TBC1D22A: variants seen among roughly 807,000 people sequenced by gnomAD.
The protein encoded by TBC1D22A is putative GTPase activator.
TBC1D22A carries 38 observed loss-of-function variants against 60.2 expected under a neutral mutation model. That is an observed-to-expected ratio of 0.63 (90% CI 0.49 to 0.83). The LOEUF is 0.83. Ranked by LOEUF, TBC1D22A falls within the 40% of genes least tolerant of loss-of-function variation. The pLI, the probability that TBC1D22A is intolerant of heterozygous loss-of-function variation, is 0.00. For missense variants in TBC1D22A, 628 were observed against 701.0 expected (o/e 0.90, Z 1.18); for synonymous variants, 302 against 281.7 (o/e 1.07, Z -0.72).
intron 11 of TBC1D22A, among the ~76,000 whole-genome samples, chr22:47,085,833 A>C (rs915235358): frequency 6.6e-6 from 1 of 152,228 alleles, no homozygotes; most frequent in Non-Finnish European, 1.5e-5. Context: ...GTTCACCGGG[A>C]ATCCAGAGAT....
chr22:46,996,777 C>T (rs1183579391), intron 9 of TBC1D22A, among the ~76,000 whole-genome samples: 1 of 152,190 alleles, frequency 6.6e-6, no homozygotes, highest in Non-Finnish European at 1.5e-5. Context: ...GATGAGGCAG[C>T]ACCCCCTAGT....
At chr22:46,884,791 G>A (rs1481618508) in intron 5 of TBC1D22A, among the ~76,000 whole-genome samples, 1 of 152,224 alleles carries the variant, frequency 6.6e-6, no homozygotes, top group East Asian at 1.9e-4. Flanking sequence ...GGTCCTAGCA[G>A]AGGAAGAGTA....
At chr22:46,941,682 A>T (rs2072122969) in intron 8 of TBC1D22A, among the ~76,000 whole-genome samples, 1 of 146,758 alleles carries the variant, frequency 6.8e-6, no homozygotes, top group African/African-American at 2.5e-5. Flanking sequence ...TATATACGGA[A>T]TATATATACG....
chr22:47,157,339 G>A (rs1180530274), intron 12 of TBC1D22A, among the ~76,000 whole-genome samples: 1 of 152,216 alleles, frequency 6.6e-6, no homozygotes, highest in Non-Finnish European at 1.5e-5. Flanking sequence ...TCTCTTTTTG[G>A]TGTTCGTGAT....
chr22:46,884,005 C>T (rs1045886866), intron 5 of TBC1D22A, among the ~76,000 whole-genome samples: 28 of 152,150 alleles, frequency 1.8e-4, no homozygotes, highest in African/African-American at 5.8e-4. Flanking sequence ...GATCTCTGCA[C>T]GTCGTGATCA....
At chr22:47,138,180 CTT>C in intron 12 of TBC1D22A, among the ~76,000 whole-genome samples, 1 of 152,328 alleles carries the variant, frequency 6.6e-6, no homozygotes, top group South Asian at 2.1e-4. Flanking sequence ...CGGCCCATCA[CTT>C]TGTCGAGGAA....
At chr22:47,035,925 T>C (rs777148763) in intron 10 of TBC1D22A, among the ~76,000 whole-genome samples, 35 of 152,342 alleles carry the variant, frequency 2.3e-4, no homozygotes, top group East Asian at 1.2e-3. Flanking sequence ...TGCTGAAATA[T>C]TGCAAGTTAC....
At chr22:46,930,024 A>G (rs754580811) in intron 8 of TBC1D22A, among the ~76,000 whole-genome samples, 3 of 152,132 alleles carry the variant, frequency 2.0e-5, no homozygotes, top group Non-Finnish European at 2.9e-5. Context: ...GATGTACTTT[A>G]TGCAGAGGAC....
chr22:46,913,324 G>A, intron 8 of TBC1D22A: 1 of 1,365,802 alleles, frequency 7.3e-7, no homozygotes, highest in Non-Finnish European at 9.8e-7. Flanking sequence ...TTATTACATG[G>A]TGTTTTTAGC....
chr22:47,023,037 G>A (rs1449388363), intron 10 of TBC1D22A, among the ~76,000 whole-genome samples: 1 of 152,184 alleles, frequency 6.6e-6, no homozygotes, highest in African/African-American at 2.4e-5. Flanking sequence ...GAGAACAAAA[G>A]TCAATCATAA....
rs144042293 is a variant in TBC1D22A at position 46,878,703 on chromosome 22, A to G, written c.688A>G (p.Met230Val). The stretch of plus-strand genomic sequence containing the variant: ...CGGAATCCCTAAGCCAGTGCGTCCA[A>G]TGACGTGGAAGCTCCTCTCAGTAAG... ...WSGIPKPVRPMTWKLLSGYLP... is the reference protein window; with the variant it reads ...WSGIPKPVRPVTWKLLSGYLP... The change falls in exon 5 of 13, where the codon ATG becomes GTG. Residue 230 changes from methionine (M) to valine (V), a missense_variant. Transcript: ENST00000337137. 17 of 1,612,990 alleles carry G rather than the reference A, an allele frequency of 1.1e-5. No individual in the cohort carries two copies. In the African/African-American group the frequency reaches 1.2e-4, roughly 11 times the overall value.
chr22:47,065,696 G>A (rs1039759724), intron 11 of TBC1D22A, among the ~76,000 whole-genome samples: 2 of 45,248 alleles, frequency 4.4e-5, no homozygotes, highest in African/African-American at 2.6e-4. Flanking sequence ...TTCCCCATCT[G>A]ACTTGAGGAA....
At chr22:47,012,738 A>C (rs1281898571) in intron 10 of TBC1D22A, among the ~76,000 whole-genome samples, 1 of 152,198 alleles carries the variant, frequency 6.6e-6, no homozygotes, top group Non-Finnish European at 1.5e-5. Flanking sequence ...ACCACACTTC[A>C]GCCCCCTGCA....
intron 4 of TBC1D22A, among the ~76,000 whole-genome samples, chr22:46,861,830 A>G (rs374427500): frequency 1.3e-5 from 2 of 152,172 alleles, no homozygotes; most frequent in Non-Finnish European, 1.5e-5. Flanking sequence ...CTCTCTGGCT[A>G]TGATCGGTGT....
At chr22:47,134,355 ATCT>A (rs1193014169) in intron 12 of TBC1D22A, among the ~76,000 whole-genome samples, 4 of 152,244 alleles carry the variant, frequency 2.6e-5, no homozygotes, top group Admixed American at 6.5e-5. Context: ...ACGCGAAAGA[ATCT>A]TGTATGGAAA....
rs1162545546 is a variant in TBC1D22A at position 46,831,582 on chromosome 22, G to A, written c.637+33962G>A. Among the ~76,000 whole-genome samples the A allele has an allele frequency of 2.0e-5, 3 of 152,152 alleles. No homozygotes were observed. The South Asian group carries it at 6.2e-4, about 32-fold the overall frequency. On this transcript the variant is annotated intron_variant, in intron 4 of 12. Coordinates refer to ENST00000337137, the MANE Select transcript of TBC1D22A (RefSeq NM_014346.5). ...CATGGTCTGATTGAAAAAGTAATTAGTATTCCTATTAGAGCTTACCAAACA... is the reference window on the plus strand; with the variant it reads ...CATGGTCTGATTGAAAAAGTAATTAATATTCCTATTAGAGCTTACCAAACA...
chr22:46,975,431 C>G (rs1212059694), intron 9 of TBC1D22A, among the ~76,000 whole-genome samples: 4 of 152,042 alleles, frequency 2.6e-5, no homozygotes, highest in African/African-American at 9.7e-5. Flanking sequence ...GGTCGGTAAT[C>G]GTTTTCTGAG....
intron 8 of TBC1D22A, among the ~76,000 whole-genome samples, chr22:46,921,695 C>T (rs1311975543): frequency 6.6e-6 from 1 of 151,994 alleles, no homozygotes; most frequent in Non-Finnish European, 1.5e-5. Context: ...GAACTATTTA[C>T]ATTCTCACTA....
At chr22:46,974,589 C>T (rs755046282) in intron 9 of TBC1D22A, among the ~76,000 whole-genome samples, 190 bp downstream of exon 9, 1 of 152,190 alleles carries the variant, frequency 6.6e-6, no homozygotes, top group Admixed American at 6.5e-5. Context: ...ATGTGCCCCT[C>T]GTTCTGGGCA....
Sources: gnomAD v4.1 joint callset for allele counts (sites outside exome capture counted in the v4.1 genomes callset) on GRCh38, gnomAD v4.1.1 for gene constraint, MANE v1.5 for transcripts, NCBI Gene and HGNC (gene_info 2026-07-23, HGNC 2026-07-21) for gene names.